The following FGF14 variants were observed in gnomAD, a reference collection of about 807,000 sequenced individuals.
The protein encoded by FGF14 is fibroblast growth factor 14.
FGF14 carries 5 observed loss-of-function variants against 25.5 expected under a neutral mutation model. That is an observed-to-expected ratio of 0.20 (90% CI 0.10 to 0.41). The LOEUF is 0.41. FGF14 is among the 10% of genes least tolerant of loss of function. The pLI is 1.00. For synonymous variants in FGF14, 138 were observed against 118.3 expected (o/e 1.17, Z -1.08); for missense variants, 222 against 320.1 (o/e 0.69, Z 2.34).
chr13:101,974,336 A>G (rs2037794834), intron 1 of FGF14, among the ~76,000 whole-genome samples: 1 of 152,184 alleles, frequency 6.6e-6, no homozygotes, highest in Admixed American at 6.5e-5. Context: ...AAAACGTTCA[A>G]GGTCACACAG....
chr13:102,191,426 C>G (rs2049119352), intron 1 of FGF14, among the ~76,000 whole-genome samples: 1 of 152,170 alleles, frequency 6.6e-6, no homozygotes, highest in African/African-American at 2.4e-5. Context: ...TTTCAGGCTT[C>G]TTTCTCACTG....
chr13:101,952,637 C>G (rs183346613), intron 1 of FGF14, among the ~76,000 whole-genome samples: 1 of 152,196 alleles, frequency 6.6e-6, no homozygotes, highest in East Asian at 1.9e-4. Flanking sequence ...TGGCAAAGAA[C>G]AGGCAAATAT....
rs138942412 is a variant in FGF14, at chr13:102,048,713, T to C, written c.209-173417A>G. ...TTTGAAATAACTCACTGGGAAGACA[T>C]TCCCAGGGGAAGAATGACATTGACC... On this transcript the variant is annotated intron_variant, in intron 1 of 4. Coordinates refer to the FGF14 transcript ENST00000376131. Among the ~76,000 whole-genome samples, 143 of 152,310 alleles carry C rather than the reference T, an allele frequency of 9.4e-4. 3 individuals are homozygous for C. Among genetic ancestry groups the C allele is most frequent in the African/African-American group, 3.2e-3 (135 of 41,570 alleles).
chr13:101,930,158 A>T (rs1407631461), intron 1 of FGF14, among the ~76,000 whole-genome samples: 1 of 152,212 alleles, frequency 6.6e-6, no homozygotes, highest in Non-Finnish European at 1.5e-5. Context: ...AAGACATGAA[A>T]TAGTTCTGTT....
chr13:102,030,404 G>A (rs571457332), intron 1 of FGF14, among the ~76,000 whole-genome samples: 1 of 151,334 alleles, frequency 6.6e-6, no homozygotes, highest in African/African-American at 2.4e-5. Flanking sequence ...TATCATTGCT[G>A]TGAAATAGCT....
chr13:101,983,948 C>A (rs954122329), intron 1 of FGF14, among the ~76,000 whole-genome samples: 9 of 152,140 alleles, frequency 5.9e-5, no homozygotes, highest in Non-Finnish European at 1.2e-4. Flanking sequence ...GATCTGGGAT[C>A]ACTGGTCACG....
intron 1 of FGF14, among the ~76,000 whole-genome samples, chr13:102,057,557 A>G (rs1743719866): frequency 6.6e-6 from 1 of 152,134 alleles, no homozygotes; most frequent in Non-Finnish European, 1.5e-5. Flanking sequence ...GACCATACCT[A>G]TTTTTTAATA....
rs141401151 is a variant in FGF14, at chr13:101,840,691, A to G, written c.408+28034T>C. On this transcript the variant is annotated intron_variant, in intron 3 of 4. Coordinates refer to ENST00000376143, the MANE Select transcript of FGF14 (RefSeq NM_004115.4). ...TGTACTATTTTGTGCATGTATATCAACCAAATTGTTGCAACACATAGGTCA... is the reference window on the plus strand; with the variant it reads ...TGTACTATTTTGTGCATGTATATCAGCCAAATTGTTGCAACACATAGGTCA... Among the ~76,000 whole-genome samples the G allele has an allele frequency of 1.8e-3, 281 of 152,136 alleles. 2 individuals carry two copies. Among genetic ancestry groups the G allele is most frequent in the African/African-American group, 6.6e-3 (273 of 41,566 alleles).
intron 1 of FGF14, among the ~76,000 whole-genome samples, chr13:101,976,434 G>A (rs75197268): frequency 0.014 from 2,109 of 152,198 alleles, 21 homozygotes; most frequent in Middle Eastern, 0.031. Context: ...AATGGGCTGT[G>A]TGCTCCTATT....
At chr13:101,742,023 T>C (rs1356265512) in intron 3 of FGF14, among the ~76,000 whole-genome samples, 2 of 152,120 alleles carry the variant, frequency 1.3e-5, no homozygotes, top group Non-Finnish European at 2.9e-5. Context: ...TAGAGATCAA[T>C]AAATATGAAT....
intron 1 of FGF14, among the ~76,000 whole-genome samples, chr13:102,186,605 G>A (rs562825907): frequency 3.9e-5 from 6 of 152,194 alleles, no homozygotes; most frequent in East Asian, 1.9e-4. Flanking sequence ...ACATGCACAC[G>A]TAAAGTTTGA....
chr13:101,825,396 T>C (rs73557476), intron 3 of FGF14, among the ~76,000 whole-genome samples: 6 of 152,230 alleles, frequency 3.9e-5, no homozygotes, highest in African/African-American at 1.4e-4. Context: ...CTATTACTCA[T>C]GGATTTCAAC....
chr13:102,323,021 C>T (rs533454149), intron 1 of FGF14, among the ~76,000 whole-genome samples: 92 of 152,292 alleles, frequency 6.0e-4, no homozygotes, highest in African/African-American at 2.2e-3. Context: ...TGGCAAACAG[C>T]TTAAAGGTGA....
In FGF14 at chr13:101,943,964, G is replaced by A. The variant is rs1418907773; in HGVS notation, c.209-68668C>T. The stretch of plus-strand genomic sequence containing the variant: ...TGTGGTGAGCCGAGATAGCACCATT[G>A]CACTCCAGCCTGGGCAAGAGTGAAA... On this transcript the variant is annotated intron_variant, in intron 1 of 4. Transcript: ENST00000376131. Among the ~76,000 whole-genome samples the A allele has an allele frequency of 4.2e-5, 6 of 142,056 alleles. No individual in the cohort carries two copies. In the East Asian group the frequency reaches 1.2e-3, roughly 29 times the overall value. The allele number at this position is 142,056 out of a possible 152,430, so 93.2% of individuals were successfully genotyped here. A position where few individuals can be genotyped will look rare whatever the true frequency, so the allele number is the denominator to read the frequency against.
chr13:102,301,797 C>T (rs999811898), intron 1 of FGF14, among the ~76,000 whole-genome samples: 3 of 147,070 alleles, frequency 2.0e-5, no homozygotes, highest in Non-Finnish European at 4.5e-5. Flanking sequence ...TCATTCTATA[C>T]CTCCTTTCTT....
intron 3 of FGF14, among the ~76,000 whole-genome samples, chr13:101,795,429 A>G (rs781126792): frequency 1.3e-5 from 2 of 152,084 alleles, no homozygotes; most frequent in African/African-American, 4.8e-5. Flanking sequence ...TAAGGTAACT[A>G]GTAACTTAGA....
At chr13:101,810,332 C>T (rs1009139132) in intron 3 of FGF14, among the ~76,000 whole-genome samples, 15 of 152,086 alleles carry the variant, frequency 9.9e-5, no homozygotes, top group South Asian at 4.1e-4. Flanking sequence ...TGTTTTATAA[C>T]GGTTTGTTTG....
intron 1 of FGF14, among the ~76,000 whole-genome samples, chr13:102,348,104 T>C (rs2057167326): frequency 6.6e-6 from 1 of 152,044 alleles, no homozygotes; most frequent in Non-Finnish European, 1.5e-5. Flanking sequence ...AGTGTAAAAT[T>C]ATTCATTTAT....
chr13:101,943,022 C>T (rs918715671), intron 1 of FGF14, among the ~76,000 whole-genome samples: 2 of 152,184 alleles, frequency 1.3e-5, no homozygotes, highest in Non-Finnish European at 2.9e-5. Flanking sequence ...AGCAGGGGGC[C>T]TCAGCTTCCC....
Sources: allele counts gnomAD v4.1 joint callset (sites outside exome capture counted in the v4.1 genomes callset), GRCh38; gene constraint gnomAD v4.1.1; transcripts MANE v1.5; gene names NCBI Gene and HGNC (gene_info 2026-07-23, HGNC 2026-07-21).